The following SATB1 variants were observed in gnomAD, a reference collection of about 807,000 sequenced individuals.
SATB1 encodes SATB homeobox 1.
SATB1 carries 11 observed loss-of-function variants against 86.9 expected under a neutral mutation model. The observed-to-expected ratio is 0.13, with a 90% CI of 0.08 to 0.21. The LOEUF (loss-of-function observed/expected upper bound fraction) is 0.21, where lower values mean the gene tolerates loss of function less well. SATB1 is among the 10% of genes least tolerant of loss of function. SATB1 has a pLI of 1.00. For missense variants in SATB1, 551 were observed against 937.6 expected (o/e 0.59, Z 5.39); for synonymous variants, 357 against 357.2 (o/e 1.00, Z 0.01).
Position 18,394,177 on chromosome 3 carries a change from T to C in SATB1, c.1206+285A>G, listed in dbSNP as rs957380796. 2.6e-5 allele frequency among the ~76,000 whole-genome samples: 4 copies of C among 152,240 alleles called. No individual in the cohort carries two copies. Among genetic ancestry groups the C allele is most frequent in the South Asian group, 2.1e-4 (1 of 4,834 alleles). On this transcript the variant is annotated intron_variant, in intron 7 of 10. Transcript: ENST00000338745. This position sits in a 1 kb window ranked among gnomAD's most constrained non-coding sequence, Gnocchi z 5.9. Reference sequence around the variant, plus strand: ...TCTACTATAGCTTATGATTCCATTATATAAAAGCATAAGTAATGCCAGTTT... The same window carrying C: ...TCTACTATAGCTTATGATTCCATTACATAAAAGCATAAGTAATGCCAGTTT...
rs1456549263 is a variant in SATB1 at position 18,424,544 on chromosome 3, G to C, written c.-942C>G. On this transcript the variant is annotated 5_prime_UTR_variant, in exon 1 of 11. Transcript: ENST00000338745. ...TGCCCATTGACGCGGGGCTGTGAGC[G>C]TCTGGGGTCCCAGCAAGTGAGGAGA... is the stretch of plus-strand genomic sequence containing the variant. 6.6e-6 allele frequency: 1 copy of C among 152,118 alleles called. No individual in the cohort carries two copies. The highest frequency in any genetic ancestry group is 1.5e-5 in the Non-Finnish European group (1 of 68,132). The allele number at this position is 152,118 out of a possible 1,614,324, so 9.4% of individuals were successfully genotyped here. A position where few individuals can be genotyped will look rare whatever the true frequency, so the allele number is the denominator to read the frequency against.
intron 3 of SATB1, 51 bp downstream of exon 3, chr3:18,416,851 T>C (rs913458316): frequency 6.7e-7 from 1 of 1,488,196 alleles, no homozygotes; most frequent in East Asian, 2.3e-5. Context: ...CTCTGCAAGG[T>C]AAACAAAGAA....
rs1427805609 is a variant in SATB1 at position 18,358,220 on chromosome 3, ATAATT to A, written c.1576-6030_1576-6026del. ...TCTTCTTTCCCATTCAAATCATCATATAATTTAATATAAACCATCCCATCATGTCC... is the reference window on the plus strand; with the variant it reads ...TCTTCTTTCCCATTCAAATCATCATATAATATAAACCATCCCATCATGTCC... On this transcript the variant is annotated intron_variant, in intron 9 of 10. Coordinates refer to ENST00000338745, the MANE Select transcript of SATB1 (RefSeq NM_002971.6). 2.6e-5 allele frequency among the ~76,000 whole-genome samples: 4 copies of A among 152,154 alleles called. No homozygotes were observed. The East Asian group carries it at 5.8e-4, about 22-fold the overall frequency.
At chr3:18,370,480 A>G (rs1030506941) in intron 9 of SATB1, among the ~76,000 whole-genome samples, 5 of 140,806 alleles carry the variant, frequency 3.6e-5, no homozygotes, top group African/African-American at 1.3e-4. Flanking sequence ...TGACTGCTTT[A>G]CTGTTAACTG....
chr3:18,390,488 A>T (rs1322651677), intron 7 of SATB1, among the ~76,000 whole-genome samples: 1 of 152,192 alleles, frequency 6.6e-6, no homozygotes, highest in African/African-American at 2.4e-5. Context: ...CTAACCAGAG[A>T]GCTGTCTTGT....
At chr3:18,441,262 A>C (rs1056915353), upstream of SATB1, among the ~76,000 whole-genome samples, 1 of 152,118 alleles carries the variant, frequency 6.6e-6, no homozygotes, top group African/African-American at 2.4e-5. Context: ...TATAGCAACT[A>C]ATTTTCTTTT....
At chr3:18,351,315 G>T in intron 10 of SATB1, 1 of 1,543,872 alleles carries the variant, frequency 6.5e-7, no homozygotes, top group East Asian at 2.4e-5. Context: ...CCGCTCACCT[G>T]AGGAGCAGCA....
intron 10 of SATB1, chr3:18,351,257 T>C (rs1694343964): frequency 7.0e-7 from 1 of 1,436,776 alleles, no homozygotes; most frequent in Middle Eastern, 2.0e-4. Flanking sequence ...GGAGCAGGTC[T>C]TTAGGTCACC....
chr3:18,411,260 ATGTG>A (rs1254648397), intron 5 of SATB1, among the ~76,000 whole-genome samples: 1 of 152,026 alleles, frequency 6.6e-6, no homozygotes, highest in Non-Finnish European at 1.5e-5. Context: ...GAAAGTTGTG[ATGTG>A]TGTGTGTGCA....
intron 9 of SATB1, among the ~76,000 whole-genome samples, chr3:18,364,848 T>G (rs891237906): frequency 6.6e-6 from 1 of 150,616 alleles, no homozygotes; most frequent in Admixed American, 6.6e-5. Context: ...CAAATTTCCT[T>G]TTTTTTTTGC....
At chr3:18,381,119 G>C (rs1318892817) in intron 8 of SATB1, among the ~76,000 whole-genome samples, 2 of 152,174 alleles carry the variant, frequency 1.3e-5, no homozygotes, top group Non-Finnish European at 2.9e-5. Flanking sequence ...TCCCATGTGG[G>C]GATAGGGTGC....
rs373194828 is a variant in SATB1 at position 18,352,037 on chromosome 3, G to A, written c.1734C>T (p.Gly578=). The change falls in exon 10 of 11, where the codon GGC becomes GGT. Residue 578 remains glycine, a synonymous_variant. Coordinates refer to ENST00000338745, the MANE Select transcript of SATB1 (RefSeq NM_002971.6). The surrounding 1 kb of genome is among the most constrained non-coding windows in gnomAD (Gnocchi z 4.1). ...CATGGATAATGTGGGGCGGCCTGTC[G>A]CCATGGTGATGCACCGCGTTGCTCT... ...EQESNAVHHH[G]DRPPHIIHVP... 10 of 1,614,170 alleles carry A rather than the reference G, an allele frequency of 6.2e-6. No homozygotes were observed. Among genetic ancestry groups the A allele is most frequent in the African/African-American group, 1.3e-5 (1 of 75,036 alleles).
At chr3:18,351,614 T>A in intron 10 of SATB1, 1 of 552,586 alleles carries the variant, frequency 1.8e-6, no homozygotes, top group Non-Finnish European at 3.2e-6. Context: ...CAGCGGTTGC[T>A]CTTTTCCTCA....
chr3:18,430,434 A>G (rs1698850891), intron 2 of SATB1, among the ~76,000 whole-genome samples: 1 of 152,228 alleles, frequency 6.6e-6, no homozygotes, highest in Admixed American at 6.5e-5. Flanking sequence ...AATACATTTT[A>G]AGTAATGTGT....
At position 18,348,879 on chromosome 3, in the gene SATB1, C is replaced by A; in HGVS notation, c.*291G>T. 5 of 340,768 alleles carry A rather than the reference C, an allele frequency of 1.5e-5. No individual in the cohort carries two copies. Among genetic ancestry groups the A allele is most frequent in the Non-Finnish European group, 2.1e-5 (4 of 188,472 alleles). The allele number at this position is 340,768 out of a possible 1,614,324, so 21.1% of individuals were successfully genotyped here. A position where few individuals can be genotyped will look rare whatever the true frequency, so the allele number is the denominator to read the frequency against. ...TAAGAACTAAAAAAAAAACAAAAAA[C>A]ACTGGTTTCATGCTTACGGGGTACA... is the stretch of plus-strand genomic sequence containing the variant. On this transcript the variant is annotated 3_prime_UTR_variant, in exon 11 of 11. Transcript: ENST00000338745.
At chr3:18,408,586 A>G (rs1257886945) in intron 5 of SATB1, 2 of 151,772 alleles carry the variant, frequency 1.3e-5, no homozygotes, top group Non-Finnish European at 2.9e-5. Context: ...AGGCTCTCTT[A>G]TGTTTTTCAT....
intron 2 of SATB1, among the ~76,000 whole-genome samples, chr3:18,431,228 C>T (rs1258523018): frequency 1.3e-5 from 2 of 152,092 alleles, no homozygotes; most frequent in African/African-American, 2.4e-5. Flanking sequence ...GTGGAGTGCC[C>T]TTCATGTCCC....
intron 10 of SATB1, chr3:18,350,071 A>G (rs1322691537): frequency 1.0e-5 from 2 of 193,782 alleles, no homozygotes; most frequent in African/African-American, 4.7e-5. Context: ...AGAGGAAAGG[A>G]TTTCAAAGAC....
At chr3:18,430,625 A>G (rs775824291) in intron 2 of SATB1, among the ~76,000 whole-genome samples, 53 of 152,210 alleles carry the variant, frequency 3.5e-4, no homozygotes, top group Non-Finnish European at 6.2e-4. Context: ...CAGATAACAA[A>G]TAATGATGCA....
Sources: gnomAD v4.1 joint callset for allele counts (sites outside exome capture counted in the v4.1 genomes callset) on GRCh38, gnomAD v4.1.1 for gene constraint, Gnocchi (gnomAD v3.1) non-coding constraint, MANE v1.5 for transcripts, NCBI Gene and HGNC (gene_info 2026-07-23, HGNC 2026-07-21) for gene names.